Variants in DLGAP4 observed in about 807,000 individuals in gnomAD.
DLGAP4 encodes disks large-associated protein 4.
In DLGAP4, 18 loss-of-function variants were observed where a neutral mutation model predicts 86.9. The ratio of observed to expected loss-of-function variants is 0.21; its 90% CI spans 0.14 to 0.31. The LOEUF is 0.31. Ranked by LOEUF, DLGAP4 falls within the 10% of genes least tolerant of loss-of-function variation. The pLI, the probability that DLGAP4 is intolerant of heterozygous loss-of-function variation, is 1.00. For missense variants in DLGAP4, 1,085 were observed against 1,362.6 expected (o/e 0.80, Z 3.21); for synonymous variants, 548 against 574.3 (o/e 0.95, Z 0.65).
chr20:36,447,700 C>T (rs1041492400), intron 7 of DLGAP4, among the ~76,000 whole-genome samples: 1 of 152,034 alleles, frequency 6.6e-6, no homozygotes, highest in Non-Finnish European at 1.5e-5. Context: ...GGATTATAGG[C>T]GTGAGCTACC....
intron 7 of DLGAP4, among the ~76,000 whole-genome samples, chr20:36,493,521 C>T (rs1440026327): frequency 1.3e-5 from 2 of 152,254 alleles, no homozygotes; most frequent in African/African-American, 2.4e-5. Context: ...AGCCTGGAAG[C>T]CAGGCCTCTG....
At chr20:36,429,933 T>G (rs2033083570) in intron 2 of DLGAP4, among the ~76,000 whole-genome samples, 1 of 152,198 alleles carries the variant, frequency 6.6e-6, no homozygotes, top group Non-Finnish European at 1.5e-5. Flanking sequence ...CTGAGAGCCC[T>G]CCCTCCACAA....
chr20:36,441,153 C>G (rs113870608), intron 5 of DLGAP4, among the ~76,000 whole-genome samples: 6 of 152,274 alleles, frequency 3.9e-5, no homozygotes, highest in Non-Finnish European at 8.8e-5. Context: ...CCCACCTCCC[C>G]CTGAGGGAAA....
chr20:36,525,237 AAAAAAAAAAAAAAAAAACAAAG>A (rs1569527247), intron 11 of DLGAP4, among the ~76,000 whole-genome samples: 2 of 130,652 alleles, frequency 1.5e-5, no homozygotes, highest in Non-Finnish European at 3.2e-5. Flanking sequence ...AAAAAAAAAA[AAAAAAAAAAAAAAAAAACAAAG>A]AAATCCCACT....
At chr20:36,467,064 C>CTCTCTCTCTCTCTCTCTCTCTCTCTCTCT (rs1555907464) in intron 7 of DLGAP4, among the ~76,000 whole-genome samples, 1 of 118,144 alleles carries the variant, frequency 8.5e-6, no homozygotes, top group African/African-American at 4.9e-5. Context: ...CTCTCTCTCT[C>CTCTCTCTCTCTCTCTCTCTCTCTCTCTCT]CCCCCCCCTT....
In DLGAP4 at chr20:36,508,463, G is replaced by A. The variant is rs1039128308; in HGVS notation, c.2512+7852G>A. On this transcript the variant is annotated intron_variant, in intron 10 of 12. Coordinates refer to ENST00000339266, the MANE Select transcript of DLGAP4 (RefSeq NM_001365621.2). ...TTTTTTTTGAGATGGAGTTTCTCTC[G>A]TTACCTAGTCTGGAGTGCAATGGCG... 4.2e-5 allele frequency among the ~76,000 whole-genome samples: 5 copies of A among 118,224 alleles called. No individual in the cohort carries two copies. In the East Asian group the frequency reaches 7.0e-4, roughly 16 times the overall value. 77.6% of individuals were successfully genotyped at this position (118,224 alleles called of 152,430 possible).
Position 36,420,286 on chromosome 20 carries a change from C to A in DLGAP4, c.-72-11360C>A, listed in dbSNP as rs574052079. Among the ~76,000 whole-genome samples, 6 of 152,280 alleles carry A rather than the reference C, an allele frequency of 3.9e-5. No homozygotes were observed. The South Asian group carries it at 1.2e-3, about 32-fold the overall frequency. On this transcript the variant is annotated intron_variant, in intron 2 of 12. Coordinates refer to ENST00000339266, the MANE Select transcript of DLGAP4 (RefSeq NM_001365621.2). ...ACTTGCTGTTCCAGGCTGCTTCGGGCATACATCAGAGCAGAGAGGGGCTGG... is the reference window on the plus strand; with the variant it reads ...ACTTGCTGTTCCAGGCTGCTTCGGGAATACATCAGAGCAGAGAGGGGCTGG...
chr20:36,318,209 C>T (rs945744293), intron 1 of DLGAP4, among the ~76,000 whole-genome samples: 3 of 151,132 alleles, frequency 2.0e-5, no homozygotes, highest in Non-Finnish European at 2.9e-5. Flanking sequence ...TCATGATGAT[C>T]AGGTTAGGCA....
chr20:36,313,766 A>G (rs2065073112), intron 1 of DLGAP4, among the ~76,000 whole-genome samples: 1 of 152,130 alleles, frequency 6.6e-6, no homozygotes, highest in Admixed American at 6.5e-5. Flanking sequence ...GCTGGTGGGT[A>G]GTAGAGCTAG....
intron 1 of DLGAP4, among the ~76,000 whole-genome samples, chr20:36,326,719 C>G (rs1403256100): frequency 9.2e-5 from 14 of 152,032 alleles, no homozygotes; most frequent in African/African-American, 3.4e-4. Flanking sequence ...TTCCTTCAGC[C>G]TGAAGGATTT....
At chr20:36,422,803 C>T (rs1479833136) in intron 2 of DLGAP4, among the ~76,000 whole-genome samples, 1 of 152,154 alleles carries the variant, frequency 6.6e-6, no homozygotes, top group East Asian at 1.9e-4. Flanking sequence ...GGGCCCTCCA[C>T]GTTTCCATAA....
chr20:36,339,367 C>T (rs539696997), intron 1 of DLGAP4, among the ~76,000 whole-genome samples: 6 of 151,872 alleles, frequency 4.0e-5, no homozygotes, highest in African/African-American at 1.2e-4. Flanking sequence ...GGATTACAGG[C>T]GTGAGCCACT....
intron 2 of DLGAP4, among the ~76,000 whole-genome samples, chr20:36,381,886 C>T (rs773865398): frequency 5.3e-5 from 8 of 152,242 alleles, no homozygotes; most frequent in South Asian, 2.1e-4. Context: ...CCTGTGGCAG[C>T]GATGGGAGTG....
chr20:36,318,104 TCTCACACA>T (rs1284782343), intron 1 of DLGAP4, among the ~76,000 whole-genome samples: 313 of 106,576 alleles, frequency 2.9e-3, no homozygotes, highest in African/African-American at 9.5e-3. Context: ...AAATGTGTCC[TCTCACACA>T]CACACACACA....
intron 7 of DLGAP4, among the ~76,000 whole-genome samples, chr20:36,452,525 T>G (rs2033764606): frequency 6.6e-6 from 1 of 151,650 alleles, no homozygotes. Context: ...ATCTTTTTTT[T>G]TTTTTTTTTA....
intron 7 of DLGAP4, among the ~76,000 whole-genome samples, chr20:36,467,017 C>CCTCCCTCTCTCTCT: frequency 2.0e-5 from 1 of 50,358 alleles, no homozygotes; most frequent in South Asian, 8.1e-4. Flanking sequence ...CTCTCTCTCT[C>CCTCCCTCTCTCTCT]CTCTCTCTCT....
chr20:36,440,117 C>T (rs1015315898), intron 5 of DLGAP4, among the ~76,000 whole-genome samples: 2 of 152,188 alleles, frequency 1.3e-5, no homozygotes, highest in African/African-American at 4.8e-5. Flanking sequence ...AGGCTGCCAG[C>T]GGGGCGCCTG....
At chr20:36,355,365 G>A (rs1250013050) in intron 1 of DLGAP4, among the ~76,000 whole-genome samples, 3 of 149,850 alleles carry the variant, frequency 2.0e-5, no homozygotes, top group Admixed American at 6.7e-5. Flanking sequence ...TGGCACGATC[G>A]TGGTTCACTG....
At chr20:36,449,094 C>T (rs1425009417) in intron 7 of DLGAP4, among the ~76,000 whole-genome samples, 1 of 152,322 alleles carries the variant, frequency 6.6e-6, no homozygotes. Flanking sequence ...AGGGAGGTGT[C>T]GTCTGGCATC....
Sources: gnomAD v4.1 joint callset for allele counts (sites outside exome capture counted in the v4.1 genomes callset) on GRCh38, gnomAD v4.1.1 for gene constraint, MANE v1.5 for transcripts, NCBI Gene and HGNC (gene_info 2026-07-23, HGNC 2026-07-21) for gene names.